The following ARHGEF7 variants were observed in gnomAD, a reference collection of about 807,000 sequenced individuals.
ARHGEF7 encodes the protein PAK-interacting exchange factor beta.
In ARHGEF7, 33 loss-of-function variants were observed where a neutral mutation model predicts 109.8. The ratio of observed to expected loss-of-function variants is 0.30; its 90% CI spans 0.23 to 0.40. The LOEUF (loss-of-function observed/expected upper bound fraction) is 0.40. Ranked by LOEUF, ARHGEF7 falls within the 10% of genes least tolerant of loss-of-function variation. ARHGEF7 has a pLI of 1.00. For synonymous variants in ARHGEF7, 458 were observed against 424.6 expected (o/e 1.08, Z -0.97); for missense variants, 938 against 1,098.5 (o/e 0.85, Z 2.07).
chr13:111,284,710 A>G (rs1031784509), intron 16 of ARHGEF7, among the ~76,000 whole-genome samples: 3 of 152,168 alleles, frequency 2.0e-5, no homozygotes, highest in African/African-American at 7.2e-5. Flanking sequence ...GCTGCCGTCC[A>G]GTGTTGCTGA....
Position 111,239,630 on chromosome 13 carries a change from C to T in ARHGEF7, c.760-4242C>T, listed in dbSNP as rs546910747. On this transcript the variant is annotated intron_variant, in intron 6 of 21. Coordinates refer to ENST00000646102, the MANE Select transcript of ARHGEF7 (RefSeq NM_001354046.2). The surrounding 1 kb of genome is among the most constrained non-coding windows in gnomAD (Gnocchi z 4.3). The stretch of plus-strand genomic sequence containing the variant: ...GACTCCTGAAGTCTCTGCTTGGGGC[C>T]CGTAGGTGGAGATGGTTAATGATGA... Among the ~76,000 whole-genome samples the T allele has an allele frequency of 6.6e-6, 1 of 151,926 alleles. No homozygotes were observed. The highest frequency in any genetic ancestry group is 1.5e-5 in the Non-Finnish European group (1 of 67,990).
intron 6 of ARHGEF7, among the ~76,000 whole-genome samples, chr13:111,243,520 C>T (rs1370167052): frequency 6.6e-6 from 1 of 152,188 alleles, no homozygotes. Context: ...GCTTCTTTTG[C>T]ACCACACAGT....
intron 6 of ARHGEF7, among the ~76,000 whole-genome samples, chr13:111,238,505 G>A (rs1480441628): frequency 6.6e-6 from 1 of 152,194 alleles, no homozygotes; most frequent in Non-Finnish European, 1.5e-5. Flanking sequence ...TTGTAAACTG[G>A]AATCCCCGTA....
chr13:111,149,883 AG>A (rs1435327730), intron 1 of ARHGEF7, among the ~76,000 whole-genome samples: 1 of 152,228 alleles, frequency 6.6e-6, no homozygotes, highest in Non-Finnish European at 1.5e-5. Context: ...AAGCATTTAA[AG>A]TTTTATACAC....
chr13:111,116,894 A>G (rs1566579445), intron 1 of ARHGEF7, among the ~76,000 whole-genome samples: 1 of 152,150 alleles, frequency 6.6e-6, no homozygotes, highest in African/African-American at 2.4e-5. Flanking sequence ...CTTTATGAAA[A>G]CAGAATCTGC....
chr13:111,125,829 A>C (rs1166733516), intron 1 of ARHGEF7, among the ~76,000 whole-genome samples: 1 of 152,232 alleles, frequency 6.6e-6, no homozygotes. Context: ...TTTTCTGAAA[A>C]AGCCTTTTGC....
In ARHGEF7 at chr13:111,266,201, A is replaced by AC. The variant is rs2091622866; in HGVS notation, c.951-1342dup. Among the ~76,000 whole-genome samples the AC allele has an allele frequency of 6.7e-6, 1 of 150,352 alleles. No individual in the cohort carries two copies. Among genetic ancestry groups the AC allele is most frequent in the African/African-American group, 2.5e-5 (1 of 40,712 alleles). On this transcript the variant is annotated intron_variant, in intron 8 of 21. Transcript: ENST00000646102. The surrounding 1 kb of genome is among the most constrained non-coding windows in gnomAD (Gnocchi z 4.8). Reference sequence around the variant, plus strand: ...GAGACAGTTAGAGGAAGCGATTTCCACCCCCGTTTCAAGGGGTGCTTCAGT... The same window carrying AC: ...GAGACAGTTAGAGGAAGCGATTTCCACCCCCCGTTTCAAGGGGTGCTTCAGT...
intron 8 of ARHGEF7, among the ~76,000 whole-genome samples, chr13:111,262,293 G>A (rs1566995797): frequency 6.6e-6 from 1 of 152,182 alleles, no homozygotes; most frequent in African/African-American, 2.4e-5. Context: ...CTCACTAGAG[G>A]CTACTGTGAA....
chr13:111,239,765 G>A lies in ARHGEF7; in HGVS notation c.760-4107G>A, dbSNP rs1283045726. On this transcript the variant is annotated intron_variant, in intron 6 of 21. Coordinates refer to ENST00000646102, the MANE Select transcript of ARHGEF7 (RefSeq NM_001354046.2). The surrounding 1 kb of genome is among the most constrained non-coding windows in gnomAD (Gnocchi z 4.3). ...CACCTGGCTCCCATTGTTTTTCATG[G>A]GATTTCCTTGCTGTATCTGGACTAA... Among the ~76,000 whole-genome samples the A allele has an allele frequency of 6.6e-6, 1 of 152,024 alleles. No homozygotes were observed. Among genetic ancestry groups the A allele is most frequent in the Non-Finnish European group, 1.5e-5 (1 of 67,996 alleles).
chr13:111,148,917 G>C (rs1291771177), intron 1 of ARHGEF7, among the ~76,000 whole-genome samples: 1 of 152,162 alleles, frequency 6.6e-6, no homozygotes, highest in African/African-American at 2.4e-5. Context: ...AGACTTCAAA[G>C]AGTTAAGATA....
intron 2 of ARHGEF7, among the ~76,000 whole-genome samples, chr13:111,185,671 G>A (rs1447178513): frequency 2.6e-5 from 4 of 152,208 alleles, no homozygotes; most frequent in Non-Finnish European, 5.9e-5. Flanking sequence ...ACTTTCTGGC[G>A]ACAGCCAGGC....
chr13:111,292,439 T>A (rs190266266), intron 19 of ARHGEF7, 145 bp downstream of exon 19: 1 of 1,461,570 alleles, frequency 6.8e-7, no homozygotes, highest in Non-Finnish European at 9.0e-7. Flanking sequence ...TTAACAACTT[T>A]TGAGAGTGTT....
chr13:111,222,511 C>G (rs1481672374), intron 5 of ARHGEF7, among the ~76,000 whole-genome samples: 1 of 152,112 alleles, frequency 6.6e-6, no homozygotes, highest in Non-Finnish European at 1.5e-5. Flanking sequence ...CTCACTGCAA[C>G]CTTTGCTTCC....
Position 111,217,798 on chromosome 13 carries a change from A to G in ARHGEF7, c.588A>G (p.Glu196=). The part of the protein sequence containing the change: ...KGDVIHVTRV[E]EGGWWEGTLN... Reference sequence around the variant, plus strand: ...ACGTCATCCATGTCACCCGTGTGGAAGAGGGAGGCTGGTGGGAGGGCACAC... The same window carrying G: ...ACGTCATCCATGTCACCCGTGTGGAGGAGGGAGGCTGGTGGGAGGGCACAC... Residue 196 remains glutamate, a synonymous_variant, in exon 5 of 22, where the codon GAA becomes GAG. Transcript: ENST00000646102. The G allele has an allele frequency of 6.2e-7, 1 of 1,614,216 alleles. No homozygotes were observed. The highest frequency in any genetic ancestry group is 1.3e-5 in the African/African-American group (1 of 75,060).
At chr13:111,151,162 A>C (rs1280926869) in intron 1 of ARHGEF7, among the ~76,000 whole-genome samples, 1 of 152,202 alleles carries the variant, frequency 6.6e-6, no homozygotes, top group Admixed American at 6.5e-5. Flanking sequence ...TTTACATTAC[A>C]TAGGTTCATT....
At position 111,282,959 on chromosome 13, in the gene ARHGEF7, C is replaced by G. The variant is rs956169446; in HGVS notation, c.1726-180C>G. On this transcript the variant is annotated intron_variant, in intron 15 of 21. Coordinates refer to ENST00000646102, the MANE Select transcript of ARHGEF7 (RefSeq NM_001354046.2). ...CCACGCTCGGCCCAGGTGGCGCGAG[C>G]TAGTGTTTGGCCCCAAAAACTGACT... 1.6e-5 allele frequency: 14 copies of G among 867,724 alleles called. No homozygotes were observed. In the African/African-American group the frequency reaches 2.2e-4, roughly 14 times the overall value. 53.8% of individuals were successfully genotyped at this position (867,724 alleles called of 1,614,324 possible). A position where few individuals can be genotyped will look rare whatever the true frequency, so the allele number is the denominator to read the frequency against.
At chr13:111,271,271 G>A (rs928838407) in intron 9 of ARHGEF7, among the ~76,000 whole-genome samples, 1 of 152,162 alleles carries the variant, frequency 6.6e-6, no homozygotes, top group Non-Finnish European at 1.5e-5. Context: ...GAGAAGGGGC[G>A]GGGGACAGTG....
intron 6 of ARHGEF7, among the ~76,000 whole-genome samples, chr13:111,242,521 G>A (rs1036068553): frequency 1.3e-5 from 2 of 152,188 alleles, no homozygotes; most frequent in East Asian, 3.8e-4. Flanking sequence ...GAGACAAATA[G>A]CACATCTTGA....
chr13:111,178,081 A>G (rs2078344601), intron 2 of ARHGEF7, among the ~76,000 whole-genome samples: 1 of 152,214 alleles, frequency 6.6e-6, no homozygotes, highest in African/African-American at 2.4e-5. Context: ...CTAGTAAAGC[A>G]GGGTTCTTTG....
Sources: gnomAD v4.1 joint callset for allele counts (sites outside exome capture counted in the v4.1 genomes callset) on GRCh38, gnomAD v4.1.1 for gene constraint, Gnocchi (gnomAD v3.1) non-coding constraint, MANE v1.5 for transcripts, NCBI Gene and HGNC (gene_info 2026-07-23, HGNC 2026-07-21) for gene names.